The following ITGA9 variants were observed in gnomAD, a reference collection of about 807,000 sequenced individuals.
The protein encoded by ITGA9 is integrin alpha-9.
Under a neutral mutation model 127.8 loss-of-function variants are expected in ITGA9, and 56 were observed. The ratio of observed to expected loss-of-function variants is 0.44; its 90% confidence interval spans 0.35 to 0.55. ITGA9 has a LOEUF of 0.55. Among genes scored for constraint, ITGA9 ranks in the 20% least tolerant of loss-of-function variants. The pLI, the probability that ITGA9 is intolerant of heterozygous loss-of-function variation, is 0.00. For synonymous variants in ITGA9, 508 were observed against 514.5 expected (o/e 0.99, Z 0.17); for missense variants, 1,196 against 1,347.1 (o/e 0.89, Z 1.76).
chr3:37,457,074 T>TAAGAAA (rs928126594), intron 1 of ITGA9, among the ~76,000 whole-genome samples: 4 of 151,374 alleles, frequency 2.6e-5, no homozygotes, highest in African/African-American at 9.7e-5. Context: ...AAAGGAGAGG[T>TAAGAAA]AAGAAAAAGA....
Position 37,539,763 on chromosome 3 carries a change from A to G in ITGA9, c.1529-2662A>G, listed in dbSNP as rs72855865. On this transcript the variant is annotated intron_variant, in intron 14 of 27. Transcript: ENST00000264741. Reference sequence around the variant, plus strand: ...AAGTTGACACATAAAATTAGCCATCAGAGCAGCCAAATAGAGGGTGTCTTA... The same window carrying G: ...AAGTTGACACATAAAATTAGCCATCGGAGCAGCCAAATAGAGGGTGTCTTA... Among the ~76,000 whole-genome samples the G allele has an allele frequency of 8.3e-3, 1,271 of 152,336 alleles. 11 individuals carry two copies. The highest frequency in any genetic ancestry group is 0.029 in the African/African-American group (1,190 of 41,578).
At chr3:37,653,489 A>AT (rs376990734) in intron 16 of ITGA9, among the ~76,000 whole-genome samples, 119 of 152,308 alleles carry the variant, frequency 7.8e-4, no homozygotes, top group African/African-American at 2.8e-3. Context: ...AATGAATCAA[A>AT]TAAGTAATGC....
intron 18 of ITGA9, among the ~76,000 whole-genome samples, chr3:37,731,047 G>C (rs1696284962): frequency 1.3e-5 from 2 of 152,252 alleles, no homozygotes; most frequent in Non-Finnish European, 1.5e-5. Flanking sequence ...TGAAGGGGAA[G>C]GAAAGCTCAT....
chr3:37,517,607 C>G lies in ITGA9; in HGVS notation c.1139C>G (p.Pro380Arg). ...GACGATCTGGACAATGATGGGTTCC[C>G]AGGTGAGTGAGTGCTCCTGGTGCAC... ...SLDDLDNDGFPDVAIGAPKED... is the reference protein window; with the variant it reads ...SLDDLDNDGFRDVAIGAPKED... The change falls in exon 10 of 28, where the codon CCA (proline) becomes CGA (arginine). Residue 380 changes from proline (P) to arginine (R), a missense_variant and splice_region_variant. By Grantham distance (103) the Pro-to-Arg change is moderately radical (BLOSUM62 -2). Coordinates refer to ENST00000264741, the MANE Select transcript of ITGA9 (RefSeq NM_002207.3). 6.4e-7 allele frequency: 1 copy of G among 1,573,954 alleles called. No individual in the cohort carries two copies. The highest frequency in any genetic ancestry group is 8.6e-7 in the Non-Finnish European group (1 of 1,158,462).
At chr3:37,574,635 A>C (rs180910126) in intron 15 of ITGA9, among the ~76,000 whole-genome samples, 18 of 152,308 alleles carry the variant, frequency 1.2e-4, no homozygotes, top group East Asian at 7.7e-4. Flanking sequence ...TTAGCCCCAC[A>C]GTTGATTTCT....
At chr3:37,544,626 C>T (rs1471983386) in intron 15 of ITGA9, among the ~76,000 whole-genome samples, 1 of 152,138 alleles carries the variant, frequency 6.6e-6, no homozygotes, top group Non-Finnish European at 1.5e-5. Flanking sequence ...AGGCTGAGCT[C>T]AGGGCTCTCG....
chr3:37,643,476 A>G (rs1032757968), intron 16 of ITGA9, among the ~76,000 whole-genome samples: 2 of 151,334 alleles, frequency 1.3e-5, no homozygotes, highest in African/African-American at 4.9e-5. Context: ...TTGAATTTGC[A>G]AAACTTCTTT....
intron 15 of ITGA9, among the ~76,000 whole-genome samples, chr3:37,591,497 G>A (rs1369061180): frequency 6.6e-6 from 1 of 152,216 alleles, no homozygotes; most frequent in African/African-American, 2.4e-5. Flanking sequence ...GGGAGCTGGA[G>A]TGATAGAGAA....
intron 12 of ITGA9, among the ~76,000 whole-genome samples, chr3:37,525,319 T>C (rs1463888360): frequency 6.6e-6 from 1 of 152,232 alleles, no homozygotes; most frequent in African/African-American, 2.4e-5. Flanking sequence ...AAATATTTAC[T>C]ATAAATCTAG....
At chr3:37,536,691 G>A (rs916817230) in intron 14 of ITGA9, among the ~76,000 whole-genome samples, 2 of 152,232 alleles carry the variant, frequency 1.3e-5, no homozygotes, top group African/African-American at 4.8e-5. Flanking sequence ...GCTCATTAGC[G>A]GGACACAAGC....
chr3:37,510,926 T>C (rs927200211), intron 8 of ITGA9, among the ~76,000 whole-genome samples: 7 of 152,220 alleles, frequency 4.6e-5, no homozygotes, highest in Admixed American at 4.6e-4. Context: ...CCATGACCTT[T>C]CTTTATACAA....
chr3:37,742,025 A>G (rs1334364284), intron 21 of ITGA9, among the ~76,000 whole-genome samples: 1 of 152,040 alleles, frequency 6.6e-6, no homozygotes, highest in African/African-American at 2.4e-5. Context: ...CCACCTACCC[A>G]CCCACCTGGT....
chr3:37,515,011 C>G (rs896107817), intron 9 of ITGA9, among the ~76,000 whole-genome samples: 1 of 152,152 alleles, frequency 6.6e-6, no homozygotes, highest in African/African-American at 2.4e-5. Context: ...AGCAGGAGAC[C>G]AGTGAGAAAG....
chr3:37,770,732 C>T (rs1250570578), intron 23 of ITGA9, among the ~76,000 whole-genome samples: 3 of 152,192 alleles, frequency 2.0e-5, no homozygotes, highest in African/African-American at 7.2e-5. Flanking sequence ...CTAGAGTGAA[C>T]AGGGGATTCT....
In ITGA9 at chr3:37,646,466, C is replaced by T. The variant is rs34142885; in HGVS notation, c.1840-7248C>T. On this transcript the variant is annotated intron_variant, in intron 16 of 27. Transcript: ENST00000264741. ...GTGAGGAAGGAGCCAGCAGAGAAATCGAGTCCATGAGGCTGAGGAGGCCAC... is the reference window on the plus strand; with the variant it reads ...GTGAGGAAGGAGCCAGCAGAGAAATTGAGTCCATGAGGCTGAGGAGGCCAC... Among the ~76,000 whole-genome samples the T allele has an allele frequency of 4.8e-3, 728 of 152,330 alleles. 2 individuals are homozygous for T. The highest frequency in any genetic ancestry group is 0.034 in the Middle Eastern group (10 of 294).
intron 17 of ITGA9, among the ~76,000 whole-genome samples, chr3:37,679,935 G>A (rs1235529837): frequency 6.6e-6 from 1 of 151,866 alleles, no homozygotes; most frequent in African/African-American, 2.4e-5. Context: ...CCACAACTTC[G>A]ATAAGTGCCA....
chr3:37,635,667 A>G (rs1392544506), intron 16 of ITGA9, among the ~76,000 whole-genome samples: 4 of 151,228 alleles, frequency 2.6e-5, no homozygotes, highest in Admixed American at 2.0e-4. Flanking sequence ...TTTAGGGTAC[A>G]TGTGCACAAC....
intron 17 of ITGA9, among the ~76,000 whole-genome samples, chr3:37,660,098 C>T (rs760670843): frequency 7.9e-5 from 12 of 152,086 alleles, no homozygotes; most frequent in African/African-American, 2.2e-4. Flanking sequence ...AAATAGCACA[C>T]GTTTTGCCAA....
intron 15 of ITGA9, among the ~76,000 whole-genome samples, chr3:37,553,277 T>C (rs888616684): frequency 2.6e-5 from 4 of 152,326 alleles, no homozygotes; most frequent in African/African-American, 9.6e-5. Flanking sequence ...AATAAGGAAA[T>C]TAAGTGATAC....
Sources: gnomAD v4.1 joint callset for allele counts (sites outside exome capture counted in the v4.1 genomes callset) on GRCh38, gnomAD v4.1.1 for gene constraint, MANE v1.5 for transcripts, NCBI Gene and HGNC (gene_info 2026-07-23, HGNC 2026-07-21) for gene names.